DNAH1: variants seen among roughly 807,000 people sequenced by gnomAD.
DNAH1 encodes the protein dynein axonemal heavy chain 1.
In DNAH1, 327 loss-of-function variants were observed where a neutral mutation model predicts 484.3. The ratio of observed to expected loss-of-function variants is 0.68; its 90% CI spans 0.62 to 0.74. The LOEUF is 0.74. Ranked by LOEUF, DNAH1 falls within the 30% of genes least tolerant of loss-of-function variation. The pLI is 0.00. For synonymous variants in DNAH1, 2,192 were observed against 2,191.9 expected, an observed-to-expected ratio of 1.00 and a Z score of 0.00; for missense variants, 5,052 against 5,546.8, an observed-to-expected ratio of 0.91 and a Z score of 2.83.
chr3:52,331,973 C>T (rs199861197), intron 7 of DNAH1, among the ~76,000 whole-genome samples, 169 bp from the exon 8 acceptor site: 4 of 152,102 alleles, frequency 2.6e-5, no homozygotes, highest in African/African-American at 4.8e-5. Context: ...TGAGATGGGC[C>T]GGGCAGGAAG....
chr3:52,315,263 G>A (rs1431159247), upstream of DNAH1, among the ~76,000 whole-genome samples: 1 of 152,230 alleles, frequency 6.6e-6, no homozygotes, highest in African/African-American at 2.4e-5. Flanking sequence ...CCAAGAGGGA[G>A]GCTGGGGACA....
In DNAH1 at chr3:52,383,919, G is replaced by A. The variant is rs1189582260; in HGVS notation, c.8210G>A (p.Cys2737Tyr). The A allele has an allele frequency of 8.7e-6, 14 of 1,613,506 alleles. No individual in the cohort carries two copies. Among genetic ancestry groups the A allele is most frequent in the Non-Finnish European group, 1.2e-5 (14 of 1,179,630 alleles). The change falls in exon 52 of 78, where the codon TGT (cysteine) becomes TAT (tyrosine). Residue 2737 changes from cysteine (C) to tyrosine (Y), a missense_variant. Cys to Tyr is a radical substitution (Grantham distance 194). Transcript: ENST00000420323. Reference protein sequence around the residue: ...LRQFPSLVNCCTIDWFNEWPA... With the variant: ...LRQFPSLVNCYTIDWFNEWPA... ...CAGTTTCCCTCCCTGGTCAACTGCTGTACCATCGACTGGTTTAACGAGTGG... is the reference window on the plus strand; with the variant it reads ...CAGTTTCCCTCCCTGGTCAACTGCTATACCATCGACTGGTTTAACGAGTGG...
At chr3:52,324,068 G>A (rs559860085) in intron 3 of DNAH1, among the ~76,000 whole-genome samples, 188 bp downstream of exon 3, 14 of 152,258 alleles carry the variant, frequency 9.2e-5, no homozygotes, top group African/African-American at 2.4e-4. Flanking sequence ...CACAGCTACC[G>A]AGTCATTACT....
chr3:52,366,740 G>C lies in DNAH1; in HGVS notation c.5618G>C (p.Arg1873Thr). The stretch of plus-strand genomic sequence containing the variant: ...AGGCGGTCCGTCTCCCAGTGTTACA[G>C]AGTCCTGGCAGCTGCCATGACGTCA... ...PTGSGKSTCY[R>T]VLAAAMTSLK... The change falls in exon 36 of 78, where the codon AGA becomes ACA. Residue 1873 changes from arginine to threonine, a missense_variant. Around this residue, in one of 4 missense-constraint regions of DNAH1, gnomAD observed 2,929 missense variants for 3,409.4 expected, o/e 0.86. Transcript: ENST00000420323. The C allele has an allele frequency of 6.2e-7, 1 of 1,611,318 alleles. No individual in the cohort carries two copies. The highest frequency in any genetic ancestry group is 8.5e-7 in the Non-Finnish European group (1 of 1,178,254).
In DNAH1 at chr3:52,332,354, C is replaced by A. The variant is rs1245630057; in HGVS notation, c.1246C>A (p.Gln416Lys). The A allele has an allele frequency of 6.2e-7, 1 of 1,613,956 alleles. No individual in the cohort carries two copies. The highest frequency in any genetic ancestry group is 8.5e-7 in the Non-Finnish European group (1 of 1,179,894). ...ISEQSLSKIK[Q>K]WALSTPRMRK... ...TGAACAGAGCCTGAGCAAGATCAAG[C>A]AGTGGGCCCTGAGCACGCCTCGGAT... Residue 416 changes from glutamine to lysine, a missense_variant, in exon 8 of 78, where the codon CAG becomes AAG. Physicochemically the swap from Gln to Lys is moderately conservative, Grantham distance 53. Transcript: ENST00000420323.
At position 52,364,490 on chromosome 3, in the gene DNAH1, C is replaced by G; in HGVS notation, c.5245-148C>G. On this transcript the variant is annotated intron_variant, in intron 32 of 77. Coordinates refer to ENST00000420323, the MANE Select transcript of DNAH1 (RefSeq NM_015512.5). The surrounding 1 kb of genome is among the most constrained non-coding windows in gnomAD (Gnocchi z 4.2). ...AGAAGGTGCACCTGCCCAGGCTGGG[C>G]ATGTAGGTGGTCCCAGCAGGTCTGC... 1.2e-6 allele frequency: 1 copy of G among 861,456 alleles called. No homozygotes were observed. The highest frequency in any genetic ancestry group is 1.9e-6 in the Non-Finnish European group (1 of 527,406). 53.4% of individuals were successfully genotyped at this position (861,456 alleles called of 1,614,324 possible).
chr3:52,376,592 GCA>G (rs1703614318), intron 46 of DNAH1, among the ~76,000 whole-genome samples: 1 of 152,124 alleles, frequency 6.6e-6, no homozygotes, highest in Non-Finnish European at 1.5e-5. Flanking sequence ...TGGGAATGTG[GCA>G]CCCCTCTTCC....
Position 52,361,069 on chromosome 3 carries a change from A to T in DNAH1, c.4686-95A>T. The stretch of plus-strand genomic sequence containing the variant: ...GCACACCCCAGCCCACCAAAAGGGG[A>T]CGGGGCGAGAGGCCCCAGTCCACAG... On this transcript the variant is annotated intron_variant, in intron 28 of 77. Transcript: ENST00000420323. The surrounding 1 kb of genome is among the most constrained non-coding windows in gnomAD (Gnocchi z 5.6). The T allele has an allele frequency of 8.2e-7, 1 of 1,216,176 alleles. No individual in the cohort carries two copies. Among genetic ancestry groups the T allele is most frequent in the Non-Finnish European group, 1.1e-6 (1 of 931,652 alleles). 75.3% of individuals were successfully genotyped at this position (1,216,176 alleles called of 1,614,324 possible). A position where few individuals can be genotyped will look rare whatever the true frequency, so the allele number is the denominator to read the frequency against.
chr3:52,373,771 C>T, intron 44 of DNAH1: 1 of 1,419,376 alleles, frequency 7.0e-7, no homozygotes, highest in South Asian at 1.2e-5. Flanking sequence ...TTAAAACGAG[C>T]TGCTTTAAGT....
Position 52,358,023 on chromosome 3 carries a change from G to T in DNAH1, c.4086+20G>T, listed in dbSNP as rs1165289378. The stretch of plus-strand genomic sequence containing the variant: ...GCTCGGGTGGGCAGCTGGGCCCGGG[G>T]CTCAGGGCTGGGAGCATGGGGCATC... On this transcript the variant is annotated intron_variant, in intron 24 of 77. Coordinates refer to ENST00000420323, the MANE Select transcript of DNAH1 (RefSeq NM_015512.5). The surrounding 1 kb of genome is among the most constrained non-coding windows in gnomAD (Gnocchi z 4.2). 2 of 1,575,984 alleles carry T rather than the reference G, an allele frequency of 1.3e-6. No individual in the cohort carries two copies. Among genetic ancestry groups the T allele is most frequent in the South Asian group, 2.3e-5 (2 of 87,264 alleles).
In DNAH1 at chr3:52,369,956, G is replaced by A. The variant is rs1703254888; in HGVS notation, c.6075G>A (p.Lys2025=). 2 of 1,613,862 alleles carry A rather than the reference G, an allele frequency of 1.2e-6. No homozygotes were observed. Among genetic ancestry groups the A allele is most frequent in the Non-Finnish European group, 1.7e-6 (2 of 1,179,896 alleles). Residue 2025 remains lysine, a synonymous_variant, in exon 38 of 78, where the codon AAG becomes AAA. Transcript: ENST00000420323. ...LMPFIECWLR[K]LPPLLKPYEE... is the part of the protein sequence containing the mutation. Reference sequence around the variant, plus strand: ...CCTTCATCGAGTGCTGGCTGAGGAAGCTGCCTCCCTTGCTGAAGCCCTATG... The same window carrying A: ...CCTTCATCGAGTGCTGGCTGAGGAAACTGCCTCCCTTGCTGAAGCCCTATG...
At chr3:52,360,744 C>T (rs1323701968) in intron 28 of DNAH1, among the ~76,000 whole-genome samples, 1 of 152,194 alleles carries the variant, frequency 6.6e-6, no homozygotes, top group African/African-American at 2.4e-5. Context: ...TATGCACTTT[C>T]CTGTTTTTAT....
At position 52,346,525 on chromosome 3, in the gene DNAH1, C is replaced by T. The variant is rs776902550; in HGVS notation, c.1710C>T (p.Arg570=). The T allele has an allele frequency of 1.9e-6, 3 of 1,613,630 alleles. No homozygotes were observed. The highest frequency in any genetic ancestry group is 1.3e-5 in the African/African-American group (1 of 74,940). Residue 570 remains arginine (R), a synonymous_variant, in exon 11 of 78, where the codon CGC becomes CGT. Transcript: ENST00000420323. ...SWISSLKVAM[R]SSLRDMSKGW... ...TCAGCTCGCTAAAGGTGGCCATGCG[C>T]AGCAGCCTGCGCGACATGAGCAAGG...
rs189652178 is a variant in DNAH1, at chr3:52,347,710, G to A, written c.1956-114G>A. The stretch of plus-strand genomic sequence containing the variant: ...GTGTGTGGGACGAAGGAGAAGGCAA[G>A]TATTGTGCATGGAGAGGCTCAAGAG... On this transcript the variant is annotated intron_variant, in intron 11 of 77. Coordinates refer to ENST00000420323, the MANE Select transcript of DNAH1 (RefSeq NM_015512.5). 37 of 1,272,932 alleles carry A rather than the reference G, an allele frequency of 2.9e-5. No individual in the cohort carries two copies. The East Asian group carries it at 5.3e-4, about 18-fold the overall frequency. 78.9% of individuals were successfully genotyped at this position (1,272,932 alleles called of 1,614,324 possible).
chr3:52,399,308 G>A (rs1465400596), intron 76 of DNAH1, 107 bp downstream of exon 76: 26 of 1,230,898 alleles, frequency 2.1e-5, no homozygotes, highest in Non-Finnish European at 5.7e-6. Flanking sequence ...CCTAAGCCAG[G>A]GCATGGAAAG....
chr3:52,354,371 C>T (rs557527260), intron 20 of DNAH1, among the ~76,000 whole-genome samples: 5 of 152,266 alleles, frequency 3.3e-5, no homozygotes, highest in Admixed American at 6.5e-5. Context: ...CAGTGGCTCA[C>T]GCCTGTAATC....
Position 52,350,077 on chromosome 3 carries a change from A to G in DNAH1, c.2615A>G (p.Lys872Arg), listed in dbSNP as rs1295081402. The change falls in exon 15 of 78, where the codon AAG becomes AGG. Residue 872 changes from lysine to arginine, a missense_variant. Coordinates refer to ENST00000420323, the MANE Select transcript of DNAH1 (RefSeq NM_015512.5). ...EELAELREWM[K>R]GIPERLVGLE... ...CTGGCTGAGCTGCGAGAGTGGATGAAGGGCATCCCGGAGAGGCTGGTGGGC... is the reference window on the plus strand; with the variant it reads ...CTGGCTGAGCTGCGAGAGTGGATGAGGGGCATCCCGGAGAGGCTGGTGGGC... The G allele has an allele frequency of 6.2e-7, 1 of 1,612,852 alleles. No individual in the cohort carries two copies.
chr3:52,326,319 G>A lies in DNAH1; in HGVS notation c.581+5G>A, dbSNP rs1225666371. On this transcript the variant is annotated splice_donor_5th_base_variant and intron_variant, in intron 4 of 77. Coordinates refer to ENST00000420323, the MANE Select transcript of DNAH1 (RefSeq NM_015512.5). ...TCGCAAGATTGAGATCGAGAGGTAC[G>A]GCTGGGTGGGCTGTGGGGAGACTGT... is the stretch of plus-strand genomic sequence containing the variant. The A allele has an allele frequency of 1.3e-5, 21 of 1,601,372 alleles. No individual in the cohort carries two copies. Among genetic ancestry groups the A allele is most frequent in the Non-Finnish European group, 1.7e-5 (20 of 1,178,720 alleles).
At chr3:52,365,399 A>G (rs1004377227) in intron 34 of DNAH1, among the ~76,000 whole-genome samples, 2 of 152,130 alleles carry the variant, frequency 1.3e-5, no homozygotes, top group African/African-American at 2.4e-5. Context: ...CACCTCTTCC[A>G]GAGGCCTCTT....
Sources: gnomAD v4.1 joint callset for allele counts (sites outside exome capture counted in the v4.1 genomes callset) on GRCh38, gnomAD v4.1.1 for gene constraint, gnomAD v4.1.1 regional missense constraint, Gnocchi (gnomAD v3.1) non-coding constraint, MANE v1.5 for transcripts, NCBI Gene and HGNC (gene_info 2026-07-23, HGNC 2026-07-21) for gene names.